Variants in WDFY3 observed in about 807,000 individuals in gnomAD.
WDFY3 encodes the protein WD repeat and FYVE domain-containing protein 3.
Under a neutral mutation model 409.6 loss-of-function variants are expected in WDFY3, and 66 were observed. The ratio of observed to expected loss-of-function variants is 0.16; its 90% CI spans 0.13 to 0.20. The LOEUF (loss-of-function observed/expected upper bound fraction) is 0.20. Ranked by LOEUF, WDFY3 falls within the 10% of genes least tolerant of loss-of-function variation. The pLI, the probability that WDFY3 is intolerant of heterozygous loss-of-function variation, is 1.00. For synonymous variants in WDFY3, 1,521 were observed against 1,537.1 expected, an observed-to-expected ratio of 0.99 and a Z score of 0.25; for missense variants, 3,031 against 4,298.1, an observed-to-expected ratio of 0.71 and a Z score of 8.24.
chr4:84,872,713 T>C (rs1422137719), intron 3 of WDFY3, among the ~76,000 whole-genome samples: 1 of 152,096 alleles, frequency 6.6e-6, no homozygotes, highest in Non-Finnish European at 1.5e-5. Flanking sequence ...TCAAATCCCA[T>C]AGACAATATA....
Position 84,721,476 on chromosome 4 carries a change from C to T in WDFY3, c.7538G>A (p.Ser2513Asn), listed in dbSNP as rs768389947. 2.5e-6 allele frequency: 4 copies of T among 1,613,392 alleles called. No individual in the cohort carries two copies. The highest frequency in any genetic ancestry group is 1.3e-5 in the African/African-American group (1 of 75,066). ...EQLQDQIAEG[S>N]SIEEEEKTDN... ...TGTTTTCTCCTCCTCTTCTATGGAG[C>T]TGCCCTCAGCAATCTGGTCTTGTAG... is the stretch of plus-strand genomic sequence containing the variant. The change falls in exon 47 of 68, where the codon AGC becomes AAC. Residue 2513 changes from serine (S) to asparagine (N), a missense_variant. Ser to Asn is a conservative substitution (Grantham distance 46, BLOSUM62 1). This residue lies in a region of WDFY3 where 127 missense variants were observed against 144.4 expected (regional missense o/e 0.88). Transcript: ENST00000295888.
chr4:84,793,447 C>G (rs888998959), intron 21 of WDFY3, among the ~76,000 whole-genome samples: 1 of 152,178 alleles, frequency 6.6e-6, no homozygotes, highest in African/African-American at 2.4e-5. Flanking sequence ...TTTGACTTCA[C>G]AGTCCTTGAG....
chr4:84,827,329 G>C (rs989951181), intron 9 of WDFY3, among the ~76,000 whole-genome samples: 5 of 152,094 alleles, frequency 3.3e-5, no homozygotes, highest in Non-Finnish European at 5.9e-5. Context: ...TTATTCTTAA[G>C]CTTATCTTTT....
chr4:84,787,266 A>G (rs1382273806), intron 23 of WDFY3, among the ~76,000 whole-genome samples: 4 of 152,238 alleles, frequency 2.6e-5, no homozygotes, highest in Non-Finnish European at 5.9e-5. Context: ...AAACTGGATA[A>G]TAAGCGATCA....
chr4:84,743,928 TGA>T (rs1738882563), intron 36 of WDFY3, 129 bp from the exon 37 acceptor site: 1 of 477,490 alleles, frequency 2.1e-6, no homozygotes, highest in Non-Finnish European at 3.4e-6. Flanking sequence ...TTAAATGCCA[TGA>T]GAGATGGTAT....
chr4:84,897,871 A>G (rs1288593935), intron 2 of WDFY3, among the ~76,000 whole-genome samples: 1 of 152,248 alleles, frequency 6.6e-6, no homozygotes, highest in African/African-American at 2.4e-5. Context: ...ATCTTCCTGA[A>G]TTACAAAGAA....
chr4:84,802,968 C>A (rs1285433949), intron 16 of WDFY3, among the ~76,000 whole-genome samples: 2 of 152,164 alleles, frequency 1.3e-5, no homozygotes, highest in Non-Finnish European at 2.9e-5. Context: ...AATGTAGTAT[C>A]TTCAGTCATT....
At chr4:84,753,912 A>T in intron 34 of WDFY3, 36 bp from the exon 35 acceptor site, 2 of 1,502,544 alleles carry the variant, frequency 1.3e-6, no homozygotes, top group South Asian at 2.8e-5. Flanking sequence ...ACTATGTTAC[A>T]GTTATTGACA....
intron 36 of WDFY3, among the ~76,000 whole-genome samples, chr4:84,747,104 T>C (rs1739587575): frequency 6.6e-6 from 1 of 152,188 alleles, no homozygotes; most frequent in South Asian, 2.1e-4. Flanking sequence ...TGATCTGCTC[T>C]GGACTCTGGT....
chr4:84,870,403 C>T (rs1761983040), intron 3 of WDFY3, among the ~76,000 whole-genome samples: 1 of 152,144 alleles, frequency 6.6e-6, no homozygotes, highest in South Asian at 2.1e-4. Flanking sequence ...GAAGTCTCTG[C>T]AGCCATGAAC....
At chr4:84,785,862 T>C (rs1747458368) in intron 24 of WDFY3, 117 bp downstream of exon 24, 8 of 1,285,496 alleles carry the variant, frequency 6.2e-6, no homozygotes, top group Non-Finnish European at 8.6e-6. Flanking sequence ...ACATAAACAA[T>C]ACATGAAAGG....
chr4:84,850,861 T>C (rs986266623), intron 4 of WDFY3, among the ~76,000 whole-genome samples: 1 of 150,678 alleles, frequency 6.6e-6, no homozygotes, highest in African/African-American at 2.4e-5. Context: ...ACAAACTTGT[T>C]TTTACACAAA....
rs1750603530 is a variant in WDFY3 at position 84,801,735 on chromosome 4, C to T, written c.2737G>A (p.Ala913Thr). The change falls in exon 17 of 68, where the codon GCT becomes ACT. Residue 913 changes from alanine to threonine, a missense_variant. Physicochemically the swap from Ala to Thr is moderately conservative, Grantham distance 58. Transcript: ENST00000295888. ...GGGTGCAGTGAGTGGTCCTCATCAG[C>T]CAATGCAGCACTGCACCTCTGCAGC... Reference protein sequence around the residue: ...RLLQRCSAALADEDHSLHPPL... With the variant: ...RLLQRCSAALTDEDHSLHPPL... The T allele has an allele frequency of 6.2e-7, 1 of 1,613,596 alleles. No homozygotes were observed. The highest frequency in any genetic ancestry group is 8.5e-7 in the Non-Finnish European group (1 of 1,179,964).
Position 84,766,303 on chromosome 4 carries a change from A to G in WDFY3, c.4919T>C (p.Ile1640Thr), listed in dbSNP as rs1223262208. ...LILLRNRLLD[I>T]LLKLIYTSKE... ...AGATGTATAAATTAGTTTTAGCAAGATATCCAGAAGTCTGTTCCTCAAAAG... is the reference window on the plus strand; with the variant it reads ...AGATGTATAAATTAGTTTTAGCAAGGTATCCAGAAGTCTGTTCCTCAAAAG... Residue 1640 changes from isoleucine to threonine, a missense_variant, in exon 31 of 68, where the codon ATC becomes ACC. Physicochemically the swap from Ile to Thr is moderately conservative, Grantham distance 89. Transcript: ENST00000295888. 1 of 1,601,492 alleles carries G rather than the reference A, an allele frequency of 6.2e-7. No homozygotes were observed. The highest frequency in any genetic ancestry group is 1.8e-5 in the Admixed American group (1 of 57,054).
chr4:84,702,723 C>T (rs1433860080), intron 55 of WDFY3, among the ~76,000 whole-genome samples: 1 of 152,152 alleles, frequency 6.6e-6, no homozygotes, highest in Non-Finnish European at 1.5e-5. Context: ...TTTTTATAAT[C>T]AAACTGAAAT....
At chr4:84,782,061 T>C (rs1315530041) in intron 25 of WDFY3, among the ~76,000 whole-genome samples, 1 of 152,176 alleles carries the variant, frequency 6.6e-6, no homozygotes, top group Non-Finnish European at 1.5e-5. Flanking sequence ...GGTTTATGTC[T>C]CAAGATCCTA....
chr4:84,933,396 A>G (rs1771012082), intron 1 of WDFY3, among the ~76,000 whole-genome samples: 1 of 151,992 alleles, frequency 6.6e-6, no homozygotes, highest in Non-Finnish European at 1.5e-5. Flanking sequence ...TTTAATTTTT[A>G]TTTTTAATTT....
intron 47 of WDFY3, among the ~76,000 whole-genome samples, chr4:84,720,146 A>G (rs988951544): frequency 6.6e-6 from 1 of 152,178 alleles, no homozygotes; most frequent in Non-Finnish European, 1.5e-5. Context: ...TGAGATAGAG[A>G]TAAGACACAG....
In WDFY3 at chr4:84,829,027, A is replaced by G; in HGVS notation, c.933T>C (p.Asn311=). The part of the protein sequence containing the change: ...LDDFRIWQGY[N]FLCDLLLRLE... ...ACCTAAGCAAGAGATCACAAAGAAA[A>G]TTATATCCTTGCCATATCCGAAAAT... The change falls in exon 9 of 68, where the codon AAT becomes AAC. Residue 311 remains asparagine (N), a synonymous_variant. Coordinates refer to ENST00000295888, the MANE Select transcript of WDFY3 (RefSeq NM_014991.6). 6.2e-7 allele frequency: 1 copy of G among 1,612,384 alleles called. No individual in the cohort carries two copies. Among genetic ancestry groups the G allele is most frequent in the Non-Finnish European group, 8.5e-7 (1 of 1,179,252 alleles).
Sources: gnomAD v4.1 joint callset for allele counts (sites outside exome capture counted in the v4.1 genomes callset) on GRCh38, gnomAD v4.1.1 for gene constraint, gnomAD v4.1.1 regional missense constraint, MANE v1.5 for transcripts, NCBI Gene and HGNC (gene_info 2026-07-23, HGNC 2026-07-21) for gene names.